PTCHD4: variants seen among roughly 807,000 people sequenced by gnomAD.
PTCHD4 encodes patched domain containing 4.
Under a neutral mutation model 58.1 loss-of-function variants are expected in PTCHD4, and 33 were observed. That is an observed-to-expected ratio of 0.57 (90% CI 0.43 to 0.76). The LOEUF (loss-of-function observed/expected upper bound fraction) is 0.76. PTCHD4 is among the 30% of genes least tolerant of loss of function. PTCHD4 has a pLI of 0.00. For missense variants in PTCHD4, 1,058 were observed against 1,027.1 expected, an observed-to-expected ratio of 1.03 and a Z score of -0.41; for synonymous variants, 478 against 409.6, an observed-to-expected ratio of 1.17 and a Z score of -2.02.
At chr6:47,897,940 C>CTTTTTTTTTTTTTTTTT (rs67063892) in intron 4 of PTCHD4, among the ~76,000 whole-genome samples, 8 of 76,356 alleles carry the variant, frequency 1.0e-4, no homozygotes, top group Non-Finnish European at 1.4e-4. Flanking sequence ...TTCTTTCTTT[C>CTTTTTTTTTTTTTTTTT]TTTTTTTTTT....
intron 4 of PTCHD4, among the ~76,000 whole-genome samples, chr6:47,989,650 C>T (rs546680675): frequency 1.3e-5 from 2 of 152,290 alleles, no homozygotes; most frequent in Admixed American, 1.3e-4. Flanking sequence ...ATTAAGCCTG[C>T]AGGTGCACAG....
intron 3 of PTCHD4, among the ~76,000 whole-genome samples, chr6:48,029,334 C>T (rs1395633849): frequency 1.3e-5 from 2 of 151,946 alleles, no homozygotes; most frequent in Admixed American, 1.3e-4. Flanking sequence ...CTATGAAAGA[C>T]AAATCTCTGA....
intron 4 of PTCHD4, among the ~76,000 whole-genome samples, chr6:47,953,537 A>G (rs1766735819): frequency 6.6e-6 from 1 of 152,178 alleles, no homozygotes; most frequent in Admixed American, 6.5e-5. Context: ...ACATAAGATG[A>G]TATTATATTG....
At chr6:47,994,703 A>G (rs1768412521) in intron 4 of PTCHD4, among the ~76,000 whole-genome samples, 1 of 152,224 alleles carries the variant, frequency 6.6e-6, no homozygotes, top group Admixed American at 6.5e-5. Context: ...ATTAGAAGCT[A>G]TTCAGACACT....
intron 4 of PTCHD4, among the ~76,000 whole-genome samples, chr6:47,999,146 G>A (rs1284697880): frequency 6.6e-6 from 1 of 152,150 alleles, no homozygotes; most frequent in South Asian, 2.1e-4. Context: ...GAGCTAAAGT[G>A]GAAGAGATGT....
At chr6:47,976,655 A>AAAATAAATAAATAAAT (rs141002670) in intron 4 of PTCHD4, among the ~76,000 whole-genome samples, 3 of 142,572 alleles carry the variant, frequency 2.1e-5, no homozygotes, top group African/African-American at 7.8e-5. Context: ...ACTCCATATC[A>AAAATAAATAAATAAAT]AAATAAATAA....
chr6:47,944,385 C>T (rs1013047247), intron 4 of PTCHD4, among the ~76,000 whole-genome samples: 1 of 152,012 alleles, frequency 6.6e-6, no homozygotes, highest in Non-Finnish European at 1.5e-5. Flanking sequence ...ATTTTTGAAA[C>T]ATTTATTAGA....
intron 4 of PTCHD4, among the ~76,000 whole-genome samples, chr6:47,962,744 A>C (rs929816311): frequency 6.6e-6 from 1 of 152,078 alleles, no homozygotes; most frequent in Non-Finnish European, 1.5e-5. Flanking sequence ...GTCTCGGGCT[A>C]TAAAGAAGTA....
At chr6:47,912,100 C>T (rs1179035095) in intron 4 of PTCHD4, among the ~76,000 whole-genome samples, 1 of 152,022 alleles carries the variant, frequency 6.6e-6, no homozygotes, top group Non-Finnish European at 1.5e-5. Context: ...AGAGAATTGA[C>T]CATTTGATTA....
intron 1 of PTCHD4, among the ~76,000 whole-genome samples, chr6:48,084,321 C>T (rs1765222541): frequency 6.6e-6 from 1 of 152,132 alleles, no homozygotes; most frequent in African/African-American, 2.4e-5. Flanking sequence ...TTAATCACTT[C>T]CAATTGAATG....
At chr6:48,055,136 C>G (rs1287778022) in intron 3 of PTCHD4, among the ~76,000 whole-genome samples, 2 of 152,114 alleles carry the variant, frequency 1.3e-5, no homozygotes, top group African/African-American at 4.8e-5. Context: ...AACTGGCTCC[C>G]CTACTAGTCC....
rs778967562 is a variant in PTCHD4 at position 48,086,402 on chromosome 6, T to C, written c.-969-16476A>G. On this transcript the variant is annotated intron_variant, in intron 1 of 4. Coordinates refer to ENST00000339488, the MANE Select transcript of PTCHD4 (RefSeq NM_001384253.1). ...CAGTCTGAATCTGGCCTTTGGGCTG[T>C]AGGTGGCAGACTCCTGCACTAGAAG... Among the ~76,000 whole-genome samples, 130 of 152,164 alleles carry C rather than the reference T, an allele frequency of 8.5e-4. 1 individual carries two copies. Among genetic ancestry groups the C allele is most frequent in the Non-Finnish European group, 2.8e-4 (19 of 68,000 alleles).
At chr6:48,107,633 C>CA (rs1765761301) in intron 1 of PTCHD4, among the ~76,000 whole-genome samples, 3 of 151,980 alleles carry the variant, frequency 2.0e-5, no homozygotes, top group African/African-American at 7.2e-5. Context: ...TTCTGCACAG[C>CA]AAAAGAAACC....
intron 1 of PTCHD4, among the ~76,000 whole-genome samples, chr6:48,073,918 A>T (rs1765017447): frequency 6.6e-6 from 1 of 151,734 alleles, no homozygotes; most frequent in South Asian, 2.1e-4. Context: ...CAGGCAGCAA[A>T]CTCACCCTCT....
At chr6:47,950,669 A>G (rs543502457) in intron 4 of PTCHD4, among the ~76,000 whole-genome samples, 34 of 152,298 alleles carry the variant, frequency 2.2e-4, no homozygotes, top group Non-Finnish European at 4.4e-4. Flanking sequence ...TGAAGAAATT[A>G]TATCTAGATG....
chr6:48,059,622 A>T (rs757149905), intron 3 of PTCHD4, among the ~76,000 whole-genome samples: 2 of 150,834 alleles, frequency 1.3e-5, no homozygotes, highest in Non-Finnish European at 3.0e-5. Context: ...TGGGCGACAG[A>T]GTGAGACTGT....
At chr6:48,086,841 T>A (rs1582126082) in intron 1 of PTCHD4, among the ~76,000 whole-genome samples, 1 of 152,240 alleles carries the variant, frequency 6.6e-6, no homozygotes, top group Non-Finnish European at 1.5e-5. Flanking sequence ...ATGTATTTTT[T>A]AATCACCCCA....
chr6:47,898,166 G>A (rs1174461635), intron 4 of PTCHD4, among the ~76,000 whole-genome samples: 2 of 151,672 alleles, frequency 1.3e-5, no homozygotes, highest in Non-Finnish European at 2.9e-5. Flanking sequence ...GGATGGTCTC[G>A]ATATCCTGAC....
At chr6:48,091,607 C>CCTTA in intron 1 of PTCHD4, among the ~76,000 whole-genome samples, 1 of 151,576 alleles carries the variant, frequency 6.6e-6, no homozygotes, top group Non-Finnish European at 1.5e-5. Flanking sequence ...TGTTTTCTTT[C>CCTTA]CTTCCTTCCC....
Sources: allele counts gnomAD v4.1 joint callset (sites outside exome capture counted in the v4.1 genomes callset), GRCh38; gene constraint gnomAD v4.1.1; transcripts MANE v1.5; gene names NCBI Gene and HGNC (gene_info 2026-07-23, HGNC 2026-07-21).